KIF2A: variants seen among roughly 807,000 people sequenced by gnomAD.
The protein encoded by KIF2A is kinesin-like protein KIF2A.
KIF2A carries 22 observed loss-of-function variants against 100.2 expected under a neutral mutation model. The observed-to-expected ratio is 0.22, with a 90% CI of 0.16 to 0.31. KIF2A has a LOEUF of 0.31. Among genes scored for constraint, KIF2A ranks in the 10% least tolerant of loss-of-function variants. KIF2A has a pLI of 1.00. For synonymous variants in KIF2A, 268 were observed against 285.9 expected (o/e 0.94, Z 0.63); for missense variants, 495 against 898.7 (o/e 0.55, Z 5.74).
chr5:62,363,017 A>C (rs1748485467), intron 12 of KIF2A, among the ~76,000 whole-genome samples, 161 bp from the exon 13 acceptor site: 1 of 152,118 alleles, frequency 6.6e-6, no homozygotes, highest in Admixed American at 6.5e-5. Context: ...TAGCAGAGAC[A>C]AGGTCTCACT....
Position 62,387,947 on chromosome 5 carries a change from C to A in KIF2A, c.*2378C>A, listed in dbSNP as rs1433206849. 1 of 151,570 alleles carries A rather than the reference C, an allele frequency of 6.6e-6. No homozygotes were observed. Among genetic ancestry groups the A allele is most frequent in the Non-Finnish European group, 1.5e-5 (1 of 67,854 alleles). 9.4% of individuals were successfully genotyped at this position (151,570 alleles called of 1,614,324 possible). ...TATTAAGTTAGGTATTAAAAAAAGC[C>A]AAATATCAATAAAGATATTTTTATT... On this transcript the variant is annotated 3_prime_UTR_variant, in exon 21 of 21. Transcript: ENST00000407818.
rs1018929675 is a variant in KIF2A at position 62,317,908 on chromosome 5, C to T, written c.64+11372C>T. Among the ~76,000 whole-genome samples the T allele has an allele frequency of 6.7e-5, 10 of 149,642 alleles. No homozygotes were observed. In the East Asian group the frequency reaches 1.8e-3, roughly 26 times the overall value. On this transcript the variant is annotated intron_variant, in intron 1 of 20. Coordinates refer to ENST00000407818, the MANE Select transcript of KIF2A (RefSeq NM_001098511.3). ...TTTCTCCAGTCTCTTTTGCTATTGC[C>T]TATGTTTAAACTCTCTTGCTCACAA... is the stretch of plus-strand genomic sequence containing the variant.
chr5:62,350,326 A>G (rs1747786750), intron 4 of KIF2A, among the ~76,000 whole-genome samples: 1 of 151,590 alleles, frequency 6.6e-6, no homozygotes, highest in Non-Finnish European at 1.5e-5. Context: ...CACCCAGTCT[A>G]GAGTACATTG....
rs1418472809 is a variant in KIF2A at position 62,353,194 on chromosome 5, T to C, written c.458-81T>C. 4.6e-6 allele frequency: 3 copies of C among 651,050 alleles called. No individual in the cohort carries two copies. The African/African-American group carries it at 5.7e-5, about 12-fold the overall frequency. 40.3% of individuals were successfully genotyped at this position (651,050 alleles called of 1,614,324 possible). On this transcript the variant is annotated intron_variant, in intron 5 of 20. Coordinates refer to ENST00000407818, the MANE Select transcript of KIF2A (RefSeq NM_001098511.3). ...CTGTGTACCTTTTATGTGTGTGTGG[T>C]GAAGTTATACATAAAAAAAGTTTAA...
chr5:62,327,006 T>C (rs1746412976), intron 1 of KIF2A, among the ~76,000 whole-genome samples: 1 of 152,194 alleles, frequency 6.6e-6, no homozygotes, highest in Non-Finnish European at 1.5e-5. Flanking sequence ...CTTTGAGGCA[T>C]TGCTCCTGTT....
chr5:62,339,766 A>C (rs1374189446), intron 1 of KIF2A, among the ~76,000 whole-genome samples: 1 of 138,732 alleles, frequency 7.2e-6, no homozygotes, highest in Non-Finnish European at 1.6e-5. Context: ...AGTATTGAGC[A>C]AAAAAAAAAA....
chr5:62,364,093 G>A (rs1267474712), intron 14 of KIF2A, among the ~76,000 whole-genome samples, 194 bp downstream of exon 14: 9 of 151,368 alleles, frequency 5.9e-5, no homozygotes, highest in African/African-American at 1.9e-4. Context: ...TTTTAGATGG[G>A]ATAAAGGATA....
rs1299448666 is a variant in KIF2A at position 62,389,477 on chromosome 5, C to G, written c.*3908C>G. On this transcript the variant is annotated 3_prime_UTR_variant, in exon 21 of 21. Transcript: ENST00000407818. ...GTCCAGCCTGGGTGACAGAGCAAGACTCTGTCTCAAAAAAAAAAAAAAAAG... is the reference window on the plus strand; with the variant it reads ...GTCCAGCCTGGGTGACAGAGCAAGAGTCTGTCTCAAAAAAAAAAAAAAAAG... 6.9e-5 allele frequency among the ~76,000 whole-genome samples: 3 copies of G among 43,250 alleles called. No individual in the cohort carries two copies. The highest frequency in any genetic ancestry group is 1.6e-4 in the African/African-American group (1 of 6,222). The allele number at this position is 43,250 out of a possible 152,430, so 28.4% of individuals were successfully genotyped here.
intron 1 of KIF2A, among the ~76,000 whole-genome samples, chr5:62,337,173 C>G (rs1049897904): frequency 6.6e-6 from 1 of 152,140 alleles, no homozygotes; most frequent in African/African-American, 2.4e-5. Context: ...AGGGAAAACT[C>G]TGCCATAGAA....
intron 1 of KIF2A, among the ~76,000 whole-genome samples, chr5:62,322,696 A>C (rs1213069395): frequency 6.6e-6 from 1 of 152,118 alleles, no homozygotes; most frequent in Non-Finnish European, 1.5e-5. Flanking sequence ...AAGGGTGGGA[A>C]ACGGTTGCCT....
chr5:62,390,431 T>C lies in KIF2A; in HGVS notation c.*4862T>C, dbSNP rs1286863417. 2.0e-5 allele frequency among the ~76,000 whole-genome samples: 3 copies of C among 152,350 alleles called. No homozygotes were observed. The highest frequency in any genetic ancestry group is 3.4e-3 in the Middle Eastern group (1 of 294). ...CCAGGTAGGATTCTAACTGGCATTA[T>C]TGTATGCTTAAGATTGATTTAACAA... On this transcript the variant is annotated 3_prime_UTR_variant, in exon 21 of 21. Coordinates refer to ENST00000407818, the MANE Select transcript of KIF2A (RefSeq NM_001098511.3).
chr5:62,385,468 C>A lies in KIF2A; in HGVS notation c.2150-16C>A. 1 of 1,544,588 alleles carries A rather than the reference C, an allele frequency of 6.5e-7. No individual in the cohort carries two copies. Among genetic ancestry groups the A allele is most frequent in the Non-Finnish European group, 8.8e-7 (1 of 1,137,584 alleles). On this transcript the variant is annotated splice_polypyrimidine_tract_variant and intron_variant, in intron 20 of 20. Coordinates refer to ENST00000407818, the MANE Select transcript of KIF2A (RefSeq NM_001098511.3). ...GTAATACAATACTTATTCCCTCTTTCTTTTCTTTTTCCAAGATAAAGTGAA... is the reference window on the plus strand; with the variant it reads ...GTAATACAATACTTATTCCCTCTTTATTTTCTTTTTCCAAGATAAAGTGAA...
At chr5:62,312,090 A>G (rs1745579473) in intron 1 of KIF2A, among the ~76,000 whole-genome samples, 1 of 152,248 alleles carries the variant, frequency 6.6e-6, no homozygotes, top group Admixed American at 6.5e-5. Flanking sequence ...GAGACATACA[A>G]ACCCCTGTAG....
chr5:62,385,679 G>A lies in KIF2A; in HGVS notation c.*110G>A, dbSNP rs1741993188. ...GGAATTTTAAGTGTCTGTGGAAAAT[G>A]TTTTGTCCTTCACCTGAATTACATT... is the stretch of plus-strand genomic sequence containing the variant. On this transcript the variant is annotated 3_prime_UTR_variant, in exon 21 of 21. Transcript: ENST00000407818. 2.8e-6 allele frequency: 2 copies of A among 721,374 alleles called. No individual in the cohort carries two copies. Among genetic ancestry groups the A allele is most frequent in the African/African-American group, 3.6e-5 (2 of 56,204 alleles). 44.7% of individuals were successfully genotyped at this position (721,374 alleles called of 1,614,324 possible).
Position 62,357,737 on chromosome 5 carries a change from A to G in KIF2A, c.701A>G (p.Asn234Ser). Reference protein sequence around the residue: ...ICVCVRKRPLNKKETQMKDLD... With the variant: ...ICVCVRKRPLSKKETQMKDLD... ...GTGTGTGTAAGAAAACGACCACTCAATAAAAAAGGTATGGCACTTAATGAG... is the reference window on the plus strand; with the variant it reads ...GTGTGTGTAAGAAAACGACCACTCAGTAAAAAAGGTATGGCACTTAATGAG... Residue 234 changes from asparagine (N) to serine (S), a missense_variant, in exon 8 of 21, where the codon AAT becomes AGT. Asn to Ser is a conservative substitution (Grantham distance 46). Coordinates refer to ENST00000407818, the MANE Select transcript of KIF2A (RefSeq NM_001098511.3). 1.3e-6 allele frequency: 2 copies of G among 1,552,428 alleles called. No homozygotes were observed. Among genetic ancestry groups the G allele is most frequent in the Non-Finnish European group, 1.8e-6 (2 of 1,126,988 alleles).
At chr5:62,342,785 C>T (rs1332457209) in intron 1 of KIF2A, among the ~76,000 whole-genome samples, 3 of 148,488 alleles carry the variant, frequency 2.0e-5, no homozygotes, top group Admixed American at 6.7e-5. Context: ...AGTGGAGTCT[C>T]GCTCTTGCCC....
intron 3 of KIF2A, 134 bp from the exon 4 acceptor site, chr5:62,349,932 A>G (rs896485142): frequency 4.2e-5 from 25 of 598,778 alleles, no homozygotes; most frequent in Non-Finnish European, 7.4e-5. Flanking sequence ...ATTCATTAAG[A>G]TTATAGTTTT....
intron 16 of KIF2A, among the ~76,000 whole-genome samples, chr5:62,371,248 T>C (rs1932010867): frequency 6.6e-6 from 1 of 152,086 alleles, no homozygotes; most frequent in African/African-American, 2.4e-5. Context: ...GGTGAGACCT[T>C]ATCTCAAAAA....
At chr5:62,337,516 C>T (rs779111496) in intron 1 of KIF2A, among the ~76,000 whole-genome samples, 9 of 151,634 alleles carry the variant, frequency 5.9e-5, no homozygotes, top group Middle Eastern at 3.4e-3. Flanking sequence ...ATTAGTATAA[C>T]CATGATACCA....
Sources: gnomAD v4.1 joint callset for allele counts (sites outside exome capture counted in the v4.1 genomes callset) on GRCh38, gnomAD v4.1.1 for gene constraint, MANE v1.5 for transcripts, NCBI Gene and HGNC (gene_info 2026-07-23, HGNC 2026-07-21) for gene names.